The following EDIL3 variants were observed in gnomAD, a reference collection of about 807,000 sequenced individuals.
The protein encoded by EDIL3 is EGF-like repeat and discoidin I-like domain-containing protein 3.
A neutral mutation model predicts 67.4 loss-of-function variants in EDIL3; 37 were observed. The observed-to-expected ratio is 0.55, with a 90% confidence interval of 0.42 to 0.72. The LOEUF (loss-of-function observed/expected upper bound fraction) is 0.72, where lower values mean the gene tolerates loss of function less well. Ranked by LOEUF, EDIL3 falls within the 30% of genes least tolerant of loss-of-function variation. The pLI is 0.00. For missense variants in EDIL3, 527 were observed against 586.3 expected (o/e 0.90, Z 1.04); for synonymous variants, 195 against 196.3 (o/e 0.99, Z 0.05).
At chr5:83,959,501 T>C (rs553547491) in intron 10 of EDIL3, among the ~76,000 whole-genome samples, 1 of 151,236 alleles carries the variant, frequency 6.6e-6, no homozygotes, top group South Asian at 2.1e-4. Flanking sequence ...TGTTTATACA[T>C]ATTTCTGTTT....
At chr5:84,242,202 A>G (rs1744810410) in intron 2 of EDIL3, among the ~76,000 whole-genome samples, 1 of 151,946 alleles carries the variant, frequency 6.6e-6, no homozygotes, top group Non-Finnish European at 1.5e-5. Flanking sequence ...ACTGCACTCC[A>G]GCCTGCGCGG....
chr5:84,085,690 C>T (rs893892977), intron 6 of EDIL3, among the ~76,000 whole-genome samples: 2 of 152,214 alleles, frequency 1.3e-5, no homozygotes, highest in Non-Finnish European at 2.9e-5. Flanking sequence ...TGTCCCTTAG[C>T]AGAGTTGGTG....
chr5:84,236,470 C>A (rs1035217720), intron 2 of EDIL3, among the ~76,000 whole-genome samples: 1 of 152,076 alleles, frequency 6.6e-6, no homozygotes, highest in Non-Finnish European at 1.5e-5. Flanking sequence ...TCCTCCCTAT[C>A]CAAACCCAAA....
chr5:84,281,040 C>T (rs1342716900), intron 1 of EDIL3, among the ~76,000 whole-genome samples: 3 of 151,684 alleles, frequency 2.0e-5, no homozygotes, highest in African/African-American at 7.3e-5. Context: ...GTTTGCAAAG[C>T]CCTGAGAACA....
At position 83,951,203 on chromosome 5, in the gene EDIL3, A is replaced by T. The variant is rs543327346; in HGVS notation, c.1294-7635T>A. ...TCTTTCACACGGGCATGATCCATTT[A>T]AACCATTAAAATGAATATATGGGTT... On this transcript the variant is annotated intron_variant, in intron 10 of 10. Coordinates refer to ENST00000296591, the MANE Select transcript of EDIL3 (RefSeq NM_005711.5). 1.1e-3 allele frequency among the ~76,000 whole-genome samples: 171 copies of T among 151,918 alleles called. 1 individual carries two copies. Among genetic ancestry groups the T allele is most frequent in the Admixed American group, 2.3e-3 (35 of 15,236 alleles).
intron 1 of EDIL3, among the ~76,000 whole-genome samples, chr5:84,380,276 C>T (rs978374832): frequency 6.6e-6 from 1 of 151,586 alleles, no homozygotes. Context: ...AGATGCTAAG[C>T]GTCTTCCTTA....
chr5:84,126,917 A>G (rs1018681538), intron 5 of EDIL3, among the ~76,000 whole-genome samples: 2 of 152,102 alleles, frequency 1.3e-5, no homozygotes, highest in Non-Finnish European at 2.9e-5. Context: ...TTCTATTGGA[A>G]AAGGAAATAG....
chr5:84,291,097 C>T (rs1745904127), intron 1 of EDIL3, among the ~76,000 whole-genome samples: 1 of 151,968 alleles, frequency 6.6e-6, no homozygotes, highest in Admixed American at 6.6e-5. Flanking sequence ...TAGTGCCTGC[C>T]CAACAGTGAG....
At chr5:84,029,155 G>C (rs1199112348) in intron 9 of EDIL3, among the ~76,000 whole-genome samples, 2 of 152,174 alleles carry the variant, frequency 1.3e-5, no homozygotes, top group African/African-American at 4.8e-5. Context: ...TACTCTGGAG[G>C]CTGAAGCAAG....
chr5:84,094,530 T>C (rs1747227753), intron 6 of EDIL3, among the ~76,000 whole-genome samples: 1 of 152,138 alleles, frequency 6.6e-6, no homozygotes, highest in African/African-American at 2.4e-5. Context: ...AAAAATCTAC[T>C]TCTTAAATCC....
intron 4 of EDIL3, among the ~76,000 whole-genome samples, chr5:84,177,419 A>G (rs1227532686): frequency 6.6e-6 from 1 of 152,160 alleles, no homozygotes; most frequent in Non-Finnish European, 1.5e-5. Flanking sequence ...GATCCGTGGC[A>G]AAGGTTGAGA....
chr5:84,184,739 A>C (rs1749078304), intron 3 of EDIL3, among the ~76,000 whole-genome samples: 1 of 152,218 alleles, frequency 6.6e-6, no homozygotes, highest in Non-Finnish European at 1.5e-5. Context: ...CATTCTGGAC[A>C]CTTCCTGAGG....
At chr5:84,061,840 T>C (rs1746546164) in intron 8 of EDIL3, among the ~76,000 whole-genome samples, 1 of 152,120 alleles carries the variant, frequency 6.6e-6, no homozygotes, top group African/African-American at 2.4e-5. Flanking sequence ...AAGTACTCAA[T>C]AATATTTAAT....
intron 1 of EDIL3, among the ~76,000 whole-genome samples, chr5:84,339,912 G>A (rs1461060488): frequency 6.6e-6 from 1 of 151,972 alleles, no homozygotes; most frequent in Non-Finnish European, 1.5e-5. Flanking sequence ...TGTTCTAATT[G>A]TTTTAAATAA....
Position 84,201,616 on chromosome 5 carries a change from T to C in EDIL3, c.227-21095A>G, listed in dbSNP as rs533147355. On this transcript the variant is annotated intron_variant, in intron 3 of 10. Coordinates refer to ENST00000296591, the MANE Select transcript of EDIL3 (RefSeq NM_005711.5). ...AACTGATACTGGGTAAGATCTCTTA[T>C]TTGTGCAAGGCTGATTTGCCAGTCT... Among the ~76,000 whole-genome samples, 6 of 152,196 alleles carry C rather than the reference T, an allele frequency of 3.9e-5. No homozygotes were observed. In the East Asian group the frequency reaches 1.2e-3, roughly 30 times the overall value.
intron 1 of EDIL3, among the ~76,000 whole-genome samples, chr5:84,382,607 C>T: frequency 6.6e-6 from 1 of 152,138 alleles, no homozygotes; most frequent in East Asian, 1.9e-4. Context: ...GGAGTGCCTG[C>T]AGTCCTTCCC....
chr5:84,075,800 T>C (rs1296331833), intron 6 of EDIL3, among the ~76,000 whole-genome samples: 1 of 151,778 alleles, frequency 6.6e-6, no homozygotes, highest in Non-Finnish European at 1.5e-5. Context: ...CTAAGTACAC[T>C]AGTTCTCAAC....
At chr5:83,964,088 C>A (rs959488143) in intron 9 of EDIL3, among the ~76,000 whole-genome samples, 1 of 151,640 alleles carries the variant, frequency 6.6e-6, no homozygotes, top group African/African-American at 2.4e-5. Context: ...GAGCATGAGA[C>A]CCATGAAAAT....
intron 1 of EDIL3, among the ~76,000 whole-genome samples, chr5:84,327,491 A>G (rs374259710): frequency 5.9e-5 from 9 of 152,038 alleles, no homozygotes; most frequent in East Asian, 5.8e-4. Flanking sequence ...ATCTGTATAT[A>G]GTGATTTTAC....
Sources: gnomAD v4.1 joint callset for allele counts (sites outside exome capture counted in the v4.1 genomes callset) on GRCh38, gnomAD v4.1.1 for gene constraint, MANE v1.5 for transcripts, NCBI Gene and HGNC (gene_info 2026-07-23, HGNC 2026-07-21) for gene names.